The following EDARADD variants were observed in gnomAD, a reference collection of about 807,000 sequenced individuals.
EDARADD encodes the protein ectodysplasin-A receptor-associated adapter protein.
In EDARADD, 20 loss-of-function variants were observed where a neutral mutation model predicts 25.6. That is an observed-to-expected ratio of 0.78 (90% CI 0.55 to 1.14). The LOEUF is 1.14. Ranked by LOEUF, EDARADD falls within the 50% of genes most tolerant of loss-of-function variation. EDARADD has a pLI of 0.00. For missense variants in EDARADD, 225 were observed against 270.1 expected (o/e 0.83, Z 1.17); for synonymous variants, 86 against 94.4 (o/e 0.91, Z 0.52).
chr1:236,459,611 C>CCTTTTTTTTTTTTTTTTTTTTTTT lies in EDARADD; in HGVS notation c.220-8620_220-8619insCTTTTTTTTTTTTTTTTTTTTTTT, dbSNP rs776064017. On this transcript the variant is annotated intron_variant, in intron 4 of 5. Transcript: ENST00000334232. ...ATATTTTCACTCTTCTTATTTAGCT[C>CCTTTTTTTTTTTTTTTTTTTTTTT]TTTTTTTTTTTTTTTTTTTTGAGAT... 3.0e-5 allele frequency among the ~76,000 whole-genome samples: 3 copies of CCTTTTTTTTTTTTTTTTTTTTTTT among 100,462 alleles called. 1 individual carries two copies. 65.9% of individuals were successfully genotyped at this position (100,462 alleles called of 152,430 possible). A position where few individuals can be genotyped will look rare whatever the true frequency, so the allele number is the denominator to read the frequency against.
chr1:236,460,279 G>A (rs1659002957), intron 4 of EDARADD, among the ~76,000 whole-genome samples: 1 of 150,258 alleles, frequency 6.7e-6, no homozygotes, highest in Non-Finnish European at 1.5e-5. Flanking sequence ...CAATCTCCTG[G>A]GCTTAAGCAA....
At chr1:236,475,280 A>G (rs1659470680) in intron 5 of EDARADD, among the ~76,000 whole-genome samples, 1 of 152,212 alleles carries the variant, frequency 6.6e-6, no homozygotes, top group Non-Finnish European at 1.5e-5. Context: ...TTCATGTATA[A>G]TATATATGAT....
intron 5 of EDARADD, among the ~76,000 whole-genome samples, chr1:236,468,514 G>A (rs1313805055): frequency 3.9e-5 from 6 of 152,014 alleles, no homozygotes; most frequent in African/African-American, 9.7e-5. Context: ...CCAGCTACTC[G>A]GAGGCTGAGG....
chr1:236,479,056 G>A (rs577538134), intron 5 of EDARADD, among the ~76,000 whole-genome samples: 7 of 152,250 alleles, frequency 4.6e-5, no homozygotes, highest in African/African-American at 1.7e-4. Flanking sequence ...GATACAAATT[G>A]GGTGCAGTGT....
At position 236,348,324 on chromosome 1, in the gene EDARADD, A is replaced by G. The variant is rs1045543142; in HGVS notation, c.-384+40A>G. On this transcript the variant is annotated intron_variant, in intron 1 of 7. Transcript: ENST00000439430. ...ACTGACTGGGGAGCCAGTTGGGGAA[A>G]CTCGTGAACAGCAACTGCGGTGGCG... 10 of 152,220 alleles carry G rather than the reference A, an allele frequency of 6.6e-5. No individual in the cohort carries two copies. In the South Asian group the frequency reaches 1.7e-3, roughly 25 times the overall value. The allele number at this position is 152,220 out of a possible 1,614,324, so 9.4% of individuals were successfully genotyped here. A position where few individuals can be genotyped will look rare whatever the true frequency, so the allele number is the denominator to read the frequency against.
At chr1:236,385,089 CTTTTT>C (rs34509027) in intron 3 of EDARADD, among the ~76,000 whole-genome samples, 1 of 121,988 alleles carries the variant, frequency 8.2e-6, no homozygotes, top group Non-Finnish European at 1.6e-5. Context: ...CCTTTTGATT[CTTTTT>C]TTTTTTTTTT....
intron 3 of EDARADD, among the ~76,000 whole-genome samples, chr1:236,368,691 C>T (rs533197873): frequency 3.3e-5 from 5 of 152,214 alleles, no homozygotes; most frequent in East Asian, 3.9e-4. Flanking sequence ...CCATCCACCT[C>T]GGCCTCCCAG....
At chr1:236,392,305 C>CTA (rs1460976309), upstream of EDARADD, among the ~76,000 whole-genome samples, 2 of 152,156 alleles carry the variant, frequency 1.3e-5, no homozygotes, top group African/African-American at 2.4e-5. Flanking sequence ...TTTGCACCTA[C>CTA]TATATGACAG....
At chr1:236,402,798 C>T (rs1346828140) in intron 1 of EDARADD, among the ~76,000 whole-genome samples, 1 of 152,104 alleles carries the variant, frequency 6.6e-6, no homozygotes, top group African/African-American at 2.4e-5. Context: ...GGCTTTTCCA[C>T]TTACCTCTTA....
intron 1 of EDARADD, among the ~76,000 whole-genome samples, chr1:236,403,378 T>C (rs913359304): frequency 1.3e-5 from 2 of 152,094 alleles, no homozygotes; most frequent in African/African-American, 4.8e-5. Context: ...ACCTCCGCCT[T>C]CCGGGCTCAC....
intron 1 of EDARADD, among the ~76,000 whole-genome samples, chr1:236,404,140 G>T (rs867909627): frequency 3.9e-5 from 6 of 152,164 alleles, no homozygotes; most frequent in Non-Finnish European, 8.8e-5. Context: ...TCCTCTGCCC[G>T]TCCTATTAGA....
upstream of EDARADD, among the ~76,000 whole-genome samples, chr1:236,391,115 G>A (rs1194471295): frequency 6.6e-6 from 1 of 151,838 alleles, no homozygotes; most frequent in Non-Finnish European, 1.5e-5. Context: ...CCCAGCTTGG[G>A]CTAATTATTT....
At chr1:236,372,152 C>T (rs1311992350) in intron 3 of EDARADD, among the ~76,000 whole-genome samples, 4 of 151,590 alleles carry the variant, frequency 2.6e-5, no homozygotes, top group African/African-American at 9.7e-5. Flanking sequence ...GACGGGGTCT[C>T]ACCATATTGG....
chr1:236,431,010 G>T lies in EDARADD; in HGVS notation c.219+3560G>T, dbSNP rs1012668573. On this transcript the variant is annotated intron_variant, in intron 4 of 5. Transcript: ENST00000334232. ...AGGCGCCTGTAATCCCAACTACTTGGGAGGCTGAGGCAGGAGAATTGCTTG... is the reference window on the plus strand; with the variant it reads ...AGGCGCCTGTAATCCCAACTACTTGTGAGGCTGAGGCAGGAGAATTGCTTG... 6.0e-4 allele frequency among the ~76,000 whole-genome samples: 91 copies of T among 152,122 alleles called. 1 individual carries two copies. The highest frequency in any genetic ancestry group is 1.5e-3 in the Admixed American group (23 of 15,276).
Position 236,355,500 on chromosome 1 carries a change from C to CTTTTTTT in EDARADD, c.-6+4681_-6+4687dup, listed in dbSNP as rs563976436. ...CACTCATTCTCTTCTGCTTCTTCTTCTTTTTTTTTTTTTTTTTTTTTTTTT... is the reference window on the plus strand; with the variant it reads ...CACTCATTCTCTTCTGCTTCTTCTTCTTTTTTTTTTTTTTTTTTTTTTTTTTTTTTTT... On this transcript the variant is annotated intron_variant, in intron 3 of 7. Coordinates refer to the EDARADD transcript ENST00000439430. Among the ~76,000 whole-genome samples the CTTTTTTT allele has an allele frequency of 2.1e-3, 154 of 73,156 alleles. 8 individuals are homozygous for CTTTTTTT. Among genetic ancestry groups the CTTTTTTT allele is most frequent in the African/African-American group, 3.2e-3 (62 of 19,266 alleles). The allele number at this position is 73,156 out of a possible 152,430, so 48.0% of individuals were successfully genotyped here. A position where few individuals can be genotyped will look rare whatever the true frequency, so the allele number is the denominator to read the frequency against.
Position 236,394,402 on chromosome 1 carries a change from A to G in EDARADD, c.-43A>G. Reference sequence around the variant, plus strand: ...CTTCTCGCAATCTGTTGCTTCTTCCATGGCAAACTCCAGAGAATTAAGAAG... The same window carrying G: ...CTTCTCGCAATCTGTTGCTTCTTCCGTGGCAAACTCCAGAGAATTAAGAAG... On this transcript the variant is annotated 5_prime_UTR_variant, in exon 1 of 6. It removes an upstream start codon present in the reference 5' UTR. Transcript: ENST00000334232. The G allele has an allele frequency of 1.9e-6, 3 of 1,609,462 alleles. No homozygotes were observed. Among genetic ancestry groups the G allele is most frequent in the South Asian group, 1.1e-5 (1 of 90,996 alleles).
intron 3 of EDARADD, among the ~76,000 whole-genome samples, chr1:236,418,811 T>C (rs1252429782): frequency 2.0e-5 from 3 of 152,006 alleles, no homozygotes; most frequent in African/African-American, 7.3e-5. Context: ...ATGTGAAGAG[T>C]TGTCCCTGTT....
At chr1:236,365,322 C>A (rs1217516730) in intron 3 of EDARADD, among the ~76,000 whole-genome samples, 1 of 152,014 alleles carries the variant, frequency 6.6e-6, no homozygotes, top group East Asian at 1.9e-4. Context: ...TGCCACCACA[C>A]CTGGCTAATT....
At chr1:236,464,957 C>T (rs1272919234) in intron 4 of EDARADD, among the ~76,000 whole-genome samples, 2 of 152,130 alleles carry the variant, frequency 1.3e-5, no homozygotes, top group African/African-American at 4.8e-5. Context: ...GGACCAGGAC[C>T]ATGCATTCAG....
Sources: allele counts gnomAD v4.1 joint callset (sites outside exome capture counted in the v4.1 genomes callset), GRCh38; gene constraint gnomAD v4.1.1; transcripts MANE v1.5; gene names NCBI Gene and HGNC (gene_info 2026-07-23, HGNC 2026-07-21).